PPP6R2: variants seen among roughly 807,000 people sequenced by gnomAD.
PPP6R2 encodes the protein protein phosphatase 6 regulatory subunit 2, also known as serine/threonine-protein phosphatase 6 regulatory subunit 2.
Under a neutral mutation model 100.2 loss-of-function variants are expected in PPP6R2, and 62 were observed. The ratio of observed to expected loss-of-function variants is 0.62; its 90% CI spans 0.50 to 0.76. PPP6R2 has a LOEUF of 0.76. Ranked by LOEUF, PPP6R2 falls within the 30% of genes least tolerant of loss-of-function variation. PPP6R2 has a pLI of 0.00. For missense variants in PPP6R2, 1,142 were observed against 1,276.3 expected (o/e 0.89, Z 1.60); for synonymous variants, 525 against 514.7 (o/e 1.02, Z -0.27).
At chr22:50,338,891 GGGTA>G, upstream of PPP6R2, among the ~76,000 whole-genome samples, 1 of 124,910 alleles carries the variant, frequency 8.0e-6, no homozygotes, top group East Asian at 2.6e-4. Context: ...GTGTTATGTG[GGGTA>G]TGTGTGGTGT....
At chr22:50,338,270 A>AAGTGTGTGGTGTTTGTGGTGTGT in the PPP6R2 span, among the ~76,000 whole-genome samples, 1 of 57,046 alleles carries the variant, frequency 1.8e-5, no homozygotes, top group Non-Finnish European at 2.9e-5. Context: ...GGTGCGTGTG[A>AAGTGTGTGGTGTTTGTGGTGTGT]AGTGTGTGGT....
intron 4 of PPP6R2, among the ~76,000 whole-genome samples, chr22:50,408,166 T>C (rs2059240360): frequency 6.6e-6 from 1 of 152,166 alleles, no homozygotes; most frequent in Non-Finnish European, 1.5e-5. Context: ...GGACTACAGG[T>C]GTGAGCCACG....
intron 3 of PPP6R2, among the ~76,000 whole-genome samples, chr22:50,399,224 GATATAA>G (rs1048459943): frequency 1.3e-5 from 2 of 152,170 alleles, no homozygotes; most frequent in Admixed American, 6.5e-5. Flanking sequence ...AGATGGAGAA[GATATAA>G]ATATATATGT....
At chr22:50,432,653 G>C (rs987261401) in intron 12 of PPP6R2, among the ~76,000 whole-genome samples, 5 of 152,214 alleles carry the variant, frequency 3.3e-5, no homozygotes, top group African/African-American at 1.2e-4. Flanking sequence ...CCAGGAACTC[G>C]GGCCCTCCGT....
chr22:50,396,215 A>G (rs1051869347), intron 3 of PPP6R2, among the ~76,000 whole-genome samples: 71 of 135,646 alleles, frequency 5.2e-4, no homozygotes, highest in African/African-American at 1.5e-3. Context: ...AAAAAAAAAA[A>G]GCCGGGTGTG....
chr22:50,391,176 G>A (rs1385394435), intron 2 of PPP6R2, among the ~76,000 whole-genome samples: 1 of 151,712 alleles, frequency 6.6e-6, no homozygotes, highest in African/African-American at 2.4e-5. Flanking sequence ...GCTCACACCT[G>A]TAATCCCAGC....
chr22:50,349,363 CAAA>C (rs1225878624), intron 1 of PPP6R2, among the ~76,000 whole-genome samples: 7 of 56,340 alleles, frequency 1.2e-4, no homozygotes, highest in Non-Finnish European at 1.4e-4. Context: ...GACCCTGTCT[CAAA>C]AAAAAAAAAA....
rs375673983 is a variant in PPP6R2, at chr22:50,437,827, C to A, written c.1782-16C>A. The A allele has an allele frequency of 5.8e-6, 9 of 1,551,976 alleles. No individual in the cohort carries two copies. The African/African-American group carries it at 1.1e-4, about 19-fold the overall frequency. On this transcript the variant is annotated splice_polypyrimidine_tract_variant and intron_variant, in intron 16 of 23. Coordinates refer to ENST00000612753, the MANE Select transcript of PPP6R2 (RefSeq NM_001242898.2). ...GGCCTGGAGGAACGCTGAAGCCATCCCCCTTGCTCTTGCAGTGCCCCGTTT... is the reference window on the plus strand; with the variant it reads ...GGCCTGGAGGAACGCTGAAGCCATCACCCTTGCTCTTGCAGTGCCCCGTTT...
In PPP6R2 at chr22:50,359,344, G is replaced by A. The variant is rs533567381; in HGVS notation, c.-147-12676G>A. Among the ~76,000 whole-genome samples, 287 of 149,830 alleles carry A rather than the reference G, an allele frequency of 1.9e-3. 3 individuals carry two copies. The highest frequency in any genetic ancestry group is 0.013 in the Admixed American group (188 of 14,896). On this transcript the variant is annotated intron_variant, in intron 1 of 23. Transcript: ENST00000612753. ...TGCCATTCTCCTGCCTCAGCCTCCC[G>A]AGCAGCTGGGACTACAGGCGCCCAC...
chr22:50,380,492 C>G (rs559603865), intron 2 of PPP6R2, among the ~76,000 whole-genome samples: 100 of 151,572 alleles, frequency 6.6e-4, no homozygotes, highest in African/African-American at 2.2e-3. Context: ...TCCCGAGTAG[C>G]TGGGATTACA....
upstream of PPP6R2, among the ~76,000 whole-genome samples, chr22:50,338,553 G>T (rs1444465461): frequency 8.2e-6 from 1 of 121,890 alleles, no homozygotes; most frequent in Admixed American, 8.0e-5. Context: ...TGGTGTGTGT[G>T]GTATGTAGTG....
Position 50,394,143 on chromosome 22 carries a change from C to T in PPP6R2, c.227+8C>T. ...GGAGAAGGTCCGCTTCAAGTATGTA[C>T]CAAAGCTGTGACGGGCCAGTACGCC... On this transcript the variant is annotated splice_region_variant and intron_variant, in intron 3 of 23. Coordinates refer to ENST00000612753, the MANE Select transcript of PPP6R2 (RefSeq NM_001242898.2). 9 of 1,612,696 alleles carry T rather than the reference C, an allele frequency of 5.6e-6. No individual in the cohort carries two copies. Among genetic ancestry groups the T allele is most frequent in the Non-Finnish European group, 7.6e-6 (9 of 1,179,028 alleles).
the PPP6R2 span, among the ~76,000 whole-genome samples, chr22:50,338,215 TGTG>T: frequency 7.4e-6 from 1 of 135,682 alleles, no homozygotes; most frequent in East Asian, 2.2e-4. Flanking sequence ...CGGGGGTGTG[TGTG>T]GTGTGTTGGT....
At chr22:50,422,719 C>T (rs922795966) in intron 9 of PPP6R2, among the ~76,000 whole-genome samples, 1 of 152,168 alleles carries the variant, frequency 6.6e-6, no homozygotes, top group Admixed American at 6.5e-5. Flanking sequence ...TTGCCCTGCT[C>T]AGCAGCATGT....
At chr22:50,398,214 C>G (rs934502505) in intron 3 of PPP6R2, among the ~76,000 whole-genome samples, 10 of 150,716 alleles carry the variant, frequency 6.6e-5, no homozygotes, top group Admixed American at 3.3e-4. Flanking sequence ...CTCTGTCGCC[C>G]AGGCTGGAGT....
At chr22:50,362,398 C>T (rs537126161) in intron 1 of PPP6R2, among the ~76,000 whole-genome samples, 4 of 152,272 alleles carry the variant, frequency 2.6e-5, no homozygotes, top group East Asian at 3.9e-4. Flanking sequence ...GCTGGGCCTC[C>T]GCTGCTGGGA....
the PPP6R2 span, among the ~76,000 whole-genome samples, chr22:50,331,972 C>T: frequency 3.3e-4 from 50 of 151,880 alleles, no homozygotes; most frequent in Middle Eastern, 0.014. Context: ...GCCATGTTGC[C>T]CAGGCTGGTC....
chr22:50,437,205 G>A (rs1180674847), intron 15 of PPP6R2, 137 bp downstream of exon 15: 1 of 889,066 alleles, frequency 1.1e-6, no homozygotes, highest in Non-Finnish European at 1.8e-6. Flanking sequence ...CACGTATGGG[G>A]CGGGGTGGGT....
At chr22:50,409,103 A>C (rs2059386438) in intron 4 of PPP6R2, among the ~76,000 whole-genome samples, 1 of 152,192 alleles carries the variant, frequency 6.6e-6, no homozygotes, top group Admixed American at 6.5e-5. Context: ...AACAAGAGCG[A>C]AACTTTCCAT....
Sources: gnomAD v4.1 joint callset for allele counts (sites outside exome capture counted in the v4.1 genomes callset) on GRCh38, gnomAD v4.1.1 for gene constraint, MANE v1.5 for transcripts, NCBI Gene and HGNC (gene_info 2026-07-23, HGNC 2026-07-21) for gene names.